The following CYSTM1 variants were observed in gnomAD, a reference collection of about 807,000 sequenced individuals.
CYSTM1 encodes cysteine-rich transmembrane module-containing protein 1.
Under a neutral mutation model 13.1 loss-of-function variants are expected in CYSTM1, and 4 were observed. That is an observed-to-expected ratio of 0.31 (90% CI 0.15 to 0.70). The LOEUF is 0.70. Ranked by LOEUF, CYSTM1 falls within the 30% of genes least tolerant of loss-of-function variation. The pLI is 0.72. For synonymous variants in CYSTM1, 36 were observed against 42.7 expected (o/e 0.84, Z 0.62); for missense variants, 96 against 121.6 (o/e 0.79, Z 0.99).
At chr5:140,234,678 G>A (rs111512078) in intron 2 of CYSTM1, among the ~76,000 whole-genome samples, 3 of 152,272 alleles carry the variant, frequency 2.0e-5, no homozygotes, top group African/African-American at 7.2e-5. Context: ...ATTAAATTGG[G>A]TAGGAACAGC....
intron 1 of CYSTM1, among the ~76,000 whole-genome samples, chr5:140,194,018 G>A (rs965423795): frequency 2.0e-5 from 3 of 152,316 alleles, no homozygotes; most frequent in South Asian, 2.1e-4. Context: ...GTGGATCAGC[G>A]TCCACTGATG....
intron 2 of CYSTM1, among the ~76,000 whole-genome samples, chr5:140,237,183 C>T (rs1452813770): frequency 1.3e-5 from 2 of 152,192 alleles, no homozygotes; most frequent in Admixed American, 1.3e-4. Flanking sequence ...ACTGTTGGAC[C>T]AGGTCATTCT....
intron 2 of CYSTM1, among the ~76,000 whole-genome samples, chr5:140,208,958 G>A (rs547705272): frequency 6.6e-6 from 1 of 150,846 alleles, no homozygotes; most frequent in Non-Finnish European, 1.5e-5. Context: ...AGAATGATGT[G>A]AACCCAGGAG....
intron 1 of CYSTM1, among the ~76,000 whole-genome samples, chr5:140,187,071 A>C (rs925743541): frequency 8.5e-5 from 13 of 152,134 alleles, no homozygotes; most frequent in Non-Finnish European, 1.8e-4. Context: ...GGTTGTAGTG[A>C]GCCGAGATCG....
rs559649468 is a variant in CYSTM1 at position 140,231,015 on chromosome 5, T to C, written c.188-12290T>C. On this transcript the variant is annotated intron_variant, in intron 2 of 2. Transcript: ENST00000261811. ...TTCTACAGAAAACCATGTTTGGCTT[T>C]GATTGGAACAGCATGTAATTTATCA... Among the ~76,000 whole-genome samples the C allele has an allele frequency of 7.1e-4, 108 of 152,358 alleles. No homozygotes were observed. In the Middle Eastern group the frequency reaches 0.02, roughly 29 times the overall value.
rs192877060 is a variant in CYSTM1, at chr5:140,228,708, C to T, written c.188-14597C>T. 4.2e-4 allele frequency: 168 copies of T among 399,050 alleles called. 2 individuals are homozygous for T. In the East Asian group the frequency reaches 5.6e-3, roughly 13 times the overall value. 24.7% of individuals were successfully genotyped at this position (399,050 alleles called of 1,614,324 possible). ...TGACTGGGTCTCTCTCTCCTCTGCC[C>T]GCCCTGCACCCCCTTCAACAGTGTA... On this transcript the variant is annotated intron_variant, in intron 2 of 2. Coordinates refer to ENST00000261811, the MANE Select transcript of CYSTM1 (RefSeq NM_032412.4).
At chr5:140,191,641 G>GA (rs1764097125) in intron 1 of CYSTM1, among the ~76,000 whole-genome samples, 1 of 152,194 alleles carries the variant, frequency 6.6e-6, no homozygotes, top group Non-Finnish European at 1.5e-5. Context: ...TGTCTTCAAA[G>GA]AAATACAGGT....
intron 1 of CYSTM1, among the ~76,000 whole-genome samples, chr5:140,191,928 A>G (rs1221137935): frequency 2.0e-5 from 3 of 152,198 alleles, no homozygotes; most frequent in African/African-American, 7.2e-5. Flanking sequence ...CCAAATTCAT[A>G]TGATAATTGT....
At chr5:140,214,865 CT>C (rs2126665190) in intron 2 of CYSTM1, among the ~76,000 whole-genome samples, 1 of 152,312 alleles carries the variant, frequency 6.6e-6, no homozygotes, top group Admixed American at 6.5e-5. Context: ...AAGTCCAGTG[CT>C]GTAGGTCATT....
At chr5:140,179,669 C>CTTTTCTT (rs139273558) in intron 1 of CYSTM1, among the ~76,000 whole-genome samples, 113,682 of 149,454 alleles carry the variant, frequency 0.76, 43,535 homozygotes, top group African/African-American at 0.82. Context: ...TCTTTCTTTT[C>CTTTTCTT]TTTTCTTTTG....
intron 2 of CYSTM1, among the ~76,000 whole-genome samples, chr5:140,208,522 A>G (rs1263500513): frequency 6.6e-6 from 1 of 152,208 alleles, no homozygotes; most frequent in Non-Finnish European, 1.5e-5. Flanking sequence ...TTGCTAGCAC[A>G]ACAGAGTGAC....
rs1764604274 is a variant in CYSTM1, at chr5:140,230,259, G to A, written c.188-13046G>A. Among the ~76,000 whole-genome samples the A allele has an allele frequency of 6.6e-6, 1 of 152,152 alleles. No homozygotes were observed. Among genetic ancestry groups the A allele is most frequent in the African/African-American group, 2.4e-5 (1 of 41,438 alleles). The stretch of plus-strand genomic sequence containing the variant: ...TAGTTCCAGCTGCATGTATTAATTA[G>A]ATCATCCTGTTACCAAGCAAAAGGG... On this transcript the variant is annotated intron_variant, in intron 2 of 2. Coordinates refer to ENST00000261811, the MANE Select transcript of CYSTM1 (RefSeq NM_032412.4). This position sits in a 1 kb window ranked among gnomAD's most constrained non-coding sequence, Gnocchi z 4.1.
chr5:140,225,806 T>C (rs1434281295), intron 2 of CYSTM1, among the ~76,000 whole-genome samples: 2 of 152,232 alleles, frequency 1.3e-5, no homozygotes, highest in Non-Finnish European at 2.9e-5. Flanking sequence ...CTACTGGAGA[T>C]AGAGATCTGG....
At chr5:140,232,640 G>A (rs1324341766) in intron 2 of CYSTM1, among the ~76,000 whole-genome samples, 2 of 152,196 alleles carry the variant, frequency 1.3e-5, no homozygotes, top group African/African-American at 4.8e-5. Flanking sequence ...TTCTGTGAAG[G>A]AAATCAACAG....
chr5:140,207,201 A>C (rs1043794574), intron 2 of CYSTM1, among the ~76,000 whole-genome samples: 17 of 152,164 alleles, frequency 1.1e-4, no homozygotes, highest in African/African-American at 3.4e-4. Flanking sequence ...AGAGAGAGAG[A>C]GAGCTCTGGT....
At chr5:140,241,224 GTTAAGCTGCCTGAGGT>G (rs570895733) in intron 2 of CYSTM1, among the ~76,000 whole-genome samples, 1 of 152,360 alleles carries the variant, frequency 6.6e-6, no homozygotes, top group East Asian at 1.9e-4. Flanking sequence ...TGTTTCCCCA[GTTAAGCTGCCTGAGGT>G]TCAGGGGCTC....
At chr5:140,224,189 G>C (rs1764522952) in intron 2 of CYSTM1, among the ~76,000 whole-genome samples, 2 of 152,176 alleles carry the variant, frequency 1.3e-5, no homozygotes, top group South Asian at 4.1e-4. Context: ...GCCCAGGCTG[G>C]AGTGCAGTGG....
chr5:140,240,174 C>CA (rs1264004375), intron 2 of CYSTM1, among the ~76,000 whole-genome samples: 1 of 151,946 alleles, frequency 6.6e-6, no homozygotes, highest in Non-Finnish European at 1.5e-5. Context: ...ATCCCAGCAC[C>CA]CCCCCACTGC....
intron 2 of CYSTM1, among the ~76,000 whole-genome samples, chr5:140,215,051 A>G (rs1045016733): frequency 8.5e-5 from 13 of 152,226 alleles, no homozygotes; most frequent in African/African-American, 2.9e-4. Context: ...ACCTAGTGCA[A>G]TCTTCCCAGT....
Sources: allele counts gnomAD v4.1 joint callset (sites outside exome capture counted in the v4.1 genomes callset), GRCh38; gene constraint gnomAD v4.1.1; non-coding constraint Gnocchi (gnomAD v3.1); transcripts MANE v1.5; gene names NCBI Gene and HGNC (gene_info 2026-07-23, HGNC 2026-07-21).